Variants in FRRS1 observed in about 807,000 individuals in gnomAD.
FRRS1 encodes the protein ferric chelate reductase 1, also known as ferric reductase 1.
FRRS1 carries 51 observed loss-of-function variants against 70.7 expected under a neutral mutation model. The observed-to-expected ratio is 0.72, with a 90% CI of 0.58 to 0.91. FRRS1 has a LOEUF of 0.91. FRRS1 is among the 40% of genes least tolerant of loss of function. The probability of loss-of-function intolerance (pLI) is 0.00; values close to 1 mark genes in which losing one functional copy is unlikely to be tolerated. For synonymous variants in FRRS1, 225 were observed against 238.7 expected (o/e 0.94, Z 0.53); for missense variants, 672 against 726.0 (o/e 0.93, Z 0.86).
chr1:99,750,988 A>G (rs1420710273), intron 1 of FRRS1, among the ~76,000 whole-genome samples: 1 of 152,196 alleles, frequency 6.6e-6, no homozygotes, highest in African/African-American at 2.4e-5. Context: ...CTATGAATGT[A>G]TTTCTAAAAG....
chr1:99,736,215 A>C (rs1278563653), intron 7 of FRRS1, among the ~76,000 whole-genome samples: 1 of 152,228 alleles, frequency 6.6e-6, no homozygotes, highest in Non-Finnish European at 1.5e-5. Flanking sequence ...TATCCAAAAG[A>C]ATATGCTACA....
At position 99,748,580 on chromosome 1, in the gene FRRS1, C is replaced by A. The variant is rs760680015; in HGVS notation, c.189G>T (p.Gln63His). The change falls in exon 3 of 17, where the codon CAG (glutamine) becomes CAT (histidine). Residue 63 changes from glutamine (Q) to histidine (H), a missense_variant. Coordinates refer to ENST00000646001, the MANE Select transcript of FRRS1 (RefSeq NM_001361041.2). ...VSQMTFRPGD[Q>H]IEVTLSGHPF... ...TTAATCCCAGCACGGTACCTTCAAT[C>A]TGATCTCCTGGCCTGAATGTCATCT... 6.2e-7 allele frequency: 1 copy of A among 1,613,374 alleles called. No homozygotes were observed. The highest frequency in any genetic ancestry group is 1.1e-5 in the South Asian group (1 of 90,976).
At chr1:99,715,308 G>C (rs1654465232) in intron 12 of FRRS1, among the ~76,000 whole-genome samples, 1 of 152,146 alleles carries the variant, frequency 6.6e-6, no homozygotes. Context: ...ACATTGAATT[G>C]TCACCACTCT....
intron 1 of FRRS1, among the ~76,000 whole-genome samples, chr1:99,751,167 G>A (rs1381727294): frequency 6.6e-6 from 1 of 152,066 alleles, no homozygotes; most frequent in African/African-American, 2.4e-5. Flanking sequence ...AGACATCAAG[G>A]TTCCTGGTCC....
At chr1:99,722,225 T>A (rs1654868967) in intron 9 of FRRS1, among the ~76,000 whole-genome samples, 1 of 152,030 alleles carries the variant, frequency 6.6e-6, no homozygotes, top group African/African-American at 2.4e-5. Flanking sequence ...CCCAGGCTGG[T>A]CTCAAACTCC....
In FRRS1 at chr1:99,736,527, C is replaced by A. The variant is rs182372975; in HGVS notation, c.759+1559G>T. Among the ~76,000 whole-genome samples, 894 of 148,978 alleles carry A rather than the reference C, an allele frequency of 6.0e-3. 5 individuals are homozygous for A. Among genetic ancestry groups the A allele is most frequent in the Non-Finnish European group, 9.9e-3 (673 of 67,860 alleles). On this transcript the variant is annotated intron_variant, in intron 7 of 16. Coordinates refer to ENST00000646001, the MANE Select transcript of FRRS1 (RefSeq NM_001361041.2). The stretch of plus-strand genomic sequence containing the variant: ...AGCAAACTATCGCAAGGACAAAAAA[C>A]CAAACACCGCATGTTCTCACTCATA...
chr1:99,716,407 C>A (rs1472166664), intron 11 of FRRS1, among the ~76,000 whole-genome samples: 1 of 152,182 alleles, frequency 6.6e-6, no homozygotes, highest in Non-Finnish European at 1.5e-5. Context: ...AGAGAATACA[C>A]ACAGTCTTTG....
intron 1 of FRRS1, among the ~76,000 whole-genome samples, chr1:99,757,486 A>C (rs568277143): frequency 6.6e-6 from 1 of 152,338 alleles, no homozygotes; most frequent in East Asian, 1.9e-4. Flanking sequence ...TTCTCACTTC[A>C]TTCCATTTGT....
intron 1 of FRRS1, among the ~76,000 whole-genome samples, chr1:99,754,487 A>G (rs1256616262): frequency 3.3e-5 from 4 of 121,306 alleles, no homozygotes; most frequent in African/African-American, 7.4e-5. Context: ...CCTTGTCTCA[A>G]AGAGAGAGAG....
chr1:99,747,228 T>G, intron 4 of FRRS1, 66 bp downstream of exon 4: 1 of 1,318,184 alleles, frequency 7.6e-7, no homozygotes, highest in Non-Finnish European at 1.1e-6. Context: ...GATTTCCAAT[T>G]TCCCCAGGGG....
chr1:99,744,637 T>C (rs1656150998), intron 4 of FRRS1, among the ~76,000 whole-genome samples: 3 of 151,872 alleles, frequency 2.0e-5, no homozygotes, highest in Non-Finnish European at 2.9e-5. Flanking sequence ...AAATACAAAA[T>C]TAGCCGGGCG....
chr1:99,756,878 CA>C (rs1174637066), intron 1 of FRRS1, among the ~76,000 whole-genome samples: 1 of 151,978 alleles, frequency 6.6e-6, no homozygotes, highest in Non-Finnish European at 1.5e-5. Flanking sequence ...GACATGCACA[CA>C]AAAAAATTGT....
rs563815383 is a variant in FRRS1, at chr1:99,736,112, C to T, written c.759+1974G>A. Among the ~76,000 whole-genome samples, 74 of 152,312 alleles carry T rather than the reference C, an allele frequency of 4.9e-4. 1 individual carries two copies. Among genetic ancestry groups the T allele is most frequent in the Admixed American group, 2.4e-3 (37 of 15,300 alleles). Reference sequence around the variant, plus strand: ...CACATGACAGCAGCACTACCACCACCTATCATTATTGCTTTATAGTCACAT... The same window carrying T: ...CACATGACAGCAGCACTACCACCACTTATCATTATTGCTTTATAGTCACAT... On this transcript the variant is annotated intron_variant, in intron 7 of 16. Coordinates refer to ENST00000646001, the MANE Select transcript of FRRS1 (RefSeq NM_001361041.2).
intron 12 of FRRS1, among the ~76,000 whole-genome samples, chr1:99,714,790 G>C (rs956118108): frequency 1.3e-5 from 2 of 152,184 alleles, no homozygotes; most frequent in African/African-American, 4.8e-5. Flanking sequence ...AGGTGGCAGT[G>C]GGTAGAACAG....
intron 15 of FRRS1, among the ~76,000 whole-genome samples, chr1:99,710,249 T>C (rs1416648439): frequency 6.6e-6 from 1 of 152,200 alleles, no homozygotes; most frequent in African/African-American, 2.4e-5. Flanking sequence ...ACCCATTCCC[T>C]ACTAATTTCT....
Position 99,712,093 on chromosome 1 carries a change from A to AC in FRRS1, c.1480+11dup, listed in dbSNP as rs1370022942. The AC allele has an allele frequency of 1.3e-6, 2 of 1,580,382 alleles. No individual in the cohort carries two copies. The highest frequency in any genetic ancestry group is 3.5e-5 in the Admixed American group (2 of 57,810). On this transcript the variant is annotated intron_variant, in intron 14 of 16. Transcript: ENST00000646001. ...CAATTATATATGAATAAGTGGCATC[A>AC]CAATCTCTTACCTGCTATTATTCTA... is the stretch of plus-strand genomic sequence containing the variant.
chr1:99,735,958 C>G (rs1235193875), intron 7 of FRRS1, among the ~76,000 whole-genome samples: 1 of 152,042 alleles, frequency 6.6e-6, no homozygotes, highest in African/African-American at 2.4e-5. Flanking sequence ...TTTTAAGTGG[C>G]TAGAGCATAT....
chr1:99,712,642 A>C, intron 12 of FRRS1, 127 bp from the exon 13 acceptor site: 2 of 549,266 alleles, frequency 3.6e-6, no homozygotes, highest in Non-Finnish European at 6.5e-6. Flanking sequence ...AATAATGATG[A>C]TAATAATAAT....
rs1278901837 is a variant in FRRS1 at position 99,704,657 on chromosome 1, A to T, written c.*4371T>A. Among the ~76,000 whole-genome samples the T allele has an allele frequency of 6.6e-6, 1 of 152,178 alleles. No individual in the cohort carries two copies. The highest frequency in any genetic ancestry group is 1.5e-5 in the Non-Finnish European group (1 of 68,036). ...AAAAACCTCCAAGATTCTAGCAGGC[A>T]GACACACAAGCAGCTGGACGTGGAG... On this transcript the variant is annotated 3_prime_UTR_variant, in exon 17 of 17. Coordinates refer to ENST00000646001, the MANE Select transcript of FRRS1 (RefSeq NM_001361041.2).
Sources: gnomAD v4.1 joint callset for allele counts (sites outside exome capture counted in the v4.1 genomes callset) on GRCh38, gnomAD v4.1.1 for gene constraint, MANE v1.5 for transcripts, NCBI Gene and HGNC (gene_info 2026-07-23, HGNC 2026-07-21) for gene names.